PELI2: variants seen among roughly 807,000 people sequenced by gnomAD.
The protein encoded by PELI2 is E3 ubiquitin-protein ligase pellino homolog 2.
In PELI2, 23 loss-of-function variants were observed where a neutral mutation model predicts 42.3. The ratio of observed to expected loss-of-function variants is 0.54; its 90% CI spans 0.39 to 0.77. The LOEUF is 0.77. Ranked by LOEUF, PELI2 falls within the 30% of genes least tolerant of loss-of-function variation. The probability of loss-of-function intolerance (pLI) is 0.00; values close to 1 mark genes in which losing one functional copy is unlikely to be tolerated. For missense variants in PELI2, 463 were observed against 553.2 expected (o/e 0.84, Z 1.64); for synonymous variants, 245 against 212.2 (o/e 1.15, Z -1.34).
At chr14:56,248,095 A>G (rs1888223210) in intron 2 of PELI2, among the ~76,000 whole-genome samples, 1 of 152,242 alleles carries the variant, frequency 6.6e-6, no homozygotes, top group East Asian at 1.9e-4. Context: ...TAGCACGATC[A>G]GATTGAATAT....
At chr14:56,147,605 G>A (rs1472495016) in intron 1 of PELI2, among the ~76,000 whole-genome samples, 3 of 152,166 alleles carry the variant, frequency 2.0e-5, no homozygotes, top group East Asian at 1.9e-4. Context: ...TTCTTTTTAT[G>A]AGCTCTGGTT....
chr14:56,128,717 T>C (rs1045842259), intron 1 of PELI2, among the ~76,000 whole-genome samples: 6 of 151,836 alleles, frequency 4.0e-5, no homozygotes, highest in Admixed American at 1.3e-4. Flanking sequence ...TGGGGTATTG[T>C]TGGGGTATTG....
chr14:56,154,016 CT>C (rs1884461654), intron 1 of PELI2, among the ~76,000 whole-genome samples: 1 of 152,084 alleles, frequency 6.6e-6, no homozygotes, highest in Non-Finnish European at 1.5e-5. Context: ...AAAATATACA[CT>C]TTAAATTCTG....
chr14:56,273,968 G>A lies in PELI2; in HGVS notation c.208-5708G>A, dbSNP rs927040736. ...GAGAGTCTTTTGACCTTCCTCTCAC[G>A]TTGCAAGGTGGTCTACTTCAGCTCC... On this transcript the variant is annotated intron_variant, in intron 2 of 5. Coordinates refer to ENST00000267460, the MANE Select transcript of PELI2 (RefSeq NM_021255.3). The surrounding 1 kb of genome is among the most constrained non-coding windows in gnomAD (Gnocchi z 4.3). 5.9e-5 allele frequency among the ~76,000 whole-genome samples: 9 copies of A among 152,140 alleles called. No individual in the cohort carries two copies. The highest frequency in any genetic ancestry group is 1.9e-4 in the East Asian group (1 of 5,194).
At chr14:56,192,524 A>G (rs1051350943) in intron 2 of PELI2, among the ~76,000 whole-genome samples, 1 of 152,096 alleles carries the variant, frequency 6.6e-6, no homozygotes, top group Non-Finnish European at 1.5e-5. Flanking sequence ...CCCTCGTATG[A>G]TTACCAAAAG....
chr14:56,212,879 G>C (rs1886759897), intron 2 of PELI2, among the ~76,000 whole-genome samples: 2 of 152,210 alleles, frequency 1.3e-5, no homozygotes, highest in South Asian at 4.1e-4. Context: ...AGCCATGGCT[G>C]AGACATCAAA....
intron 2 of PELI2, among the ~76,000 whole-genome samples, chr14:56,235,485 T>C (rs1370241851): frequency 1.3e-5 from 2 of 152,188 alleles, no homozygotes; most frequent in Non-Finnish European, 2.9e-5. Context: ...ACGGGTGGCA[T>C]CTTTCTTTGT....
intron 2 of PELI2, among the ~76,000 whole-genome samples, chr14:56,196,269 G>T (rs1331581608): frequency 6.6e-6 from 1 of 152,118 alleles, no homozygotes; most frequent in Non-Finnish European, 1.5e-5. Flanking sequence ...GTTTTGAGGG[G>T]TTTTTCGGTG....
rs1028530219 is a variant in PELI2, at chr14:56,282,567, G to T, written c.309+2790G>T. Among the ~76,000 whole-genome samples the T allele has an allele frequency of 4.6e-5, 7 of 151,856 alleles. No homozygotes were observed. In the East Asian group the frequency reaches 1.2e-3, roughly 25 times the overall value. The stretch of plus-strand genomic sequence containing the variant: ...CACTTTTCGATTTTTGGAACTATGC[G>T]TATGTGTTAGATATTTAAAAACTAA... On this transcript the variant is annotated intron_variant, in intron 3 of 5. Transcript: ENST00000267460.
chr14:56,222,299 T>C (rs1282143900), intron 2 of PELI2, among the ~76,000 whole-genome samples: 1 of 152,246 alleles, frequency 6.6e-6, no homozygotes, highest in African/African-American at 2.4e-5. Context: ...GAAGTTGTTT[T>C]GCTGGATGTA....
intron 2 of PELI2, among the ~76,000 whole-genome samples, chr14:56,201,617 C>A (rs181808972): frequency 2.0e-5 from 3 of 152,232 alleles, no homozygotes; most frequent in Admixed American, 2.0e-4. Context: ...CACCTGAAAC[C>A]ATTTCATTCT....
rs143657825 is a variant in PELI2 at position 56,261,122 on chromosome 14, T to G, written c.208-18554T>G. Among the ~76,000 whole-genome samples, 560 of 152,248 alleles carry G rather than the reference T, an allele frequency of 3.7e-3. 4 individuals carry two copies. Among genetic ancestry groups the G allele is most frequent in the African/African-American group, 0.013 (549 of 41,550 alleles). ...TTCCCAGTTATTCAAGTTTGGTAAC[T>G]TTTTAGACTGGATACTATTGACAAG... On this transcript the variant is annotated intron_variant, in intron 2 of 5. Transcript: ENST00000267460.
chr14:56,210,699 G>C (rs1049066403), intron 2 of PELI2, among the ~76,000 whole-genome samples: 1 of 152,118 alleles, frequency 6.6e-6, no homozygotes, highest in Non-Finnish European at 1.5e-5. Context: ...AAAAGGCTAA[G>C]GTTCCATTTG....
chr14:56,279,838 AT>A (rs1889417756), intron 3 of PELI2, 61 bp downstream of exon 3: 3 of 809,320 alleles, frequency 3.7e-6, no homozygotes, highest in Non-Finnish European at 6.3e-6. Context: ...TCTATTTTTT[AT>A]ATGTAATCAG....
At chr14:56,237,315 T>C (rs1566657090) in intron 2 of PELI2, among the ~76,000 whole-genome samples, 1 of 152,232 alleles carries the variant, frequency 6.6e-6, no homozygotes, top group Non-Finnish European at 1.5e-5. Flanking sequence ...GCCTGTCTGC[T>C]TTCCACTACA....
At chr14:56,250,987 G>C (rs1316914664) in intron 2 of PELI2, among the ~76,000 whole-genome samples, 1 of 152,112 alleles carries the variant, frequency 6.6e-6, no homozygotes, top group Non-Finnish European at 1.5e-5. Flanking sequence ...TCTAGCCTCA[G>C]CCTGACCCCC....
At chr14:56,191,896 A>G (rs1375063892) in intron 2 of PELI2, among the ~76,000 whole-genome samples, 1 of 152,114 alleles carries the variant, frequency 6.6e-6, no homozygotes, top group Non-Finnish European at 1.5e-5. Context: ...CTCACACTGC[A>G]CACCCAGGAG....
intron 2 of PELI2, among the ~76,000 whole-genome samples, chr14:56,239,148 A>G (rs1201375763): frequency 6.6e-6 from 1 of 152,252 alleles, no homozygotes; most frequent in Non-Finnish European, 1.5e-5. Flanking sequence ...AAGGGCTACA[A>G]TAATGAAAAA....
intron 4 of PELI2, among the ~76,000 whole-genome samples, chr14:56,289,214 GTACT>G (rs1889744896): frequency 6.6e-6 from 1 of 152,180 alleles, no homozygotes; most frequent in Non-Finnish European, 1.5e-5. Flanking sequence ...CAGTGAAAAT[GTACT>G]ATTCCCACAT....
Sources: gnomAD v4.1 joint callset for allele counts (sites outside exome capture counted in the v4.1 genomes callset) on GRCh38, gnomAD v4.1.1 for gene constraint, Gnocchi (gnomAD v3.1) non-coding constraint, MANE v1.5 for transcripts, NCBI Gene and HGNC (gene_info 2026-07-23, HGNC 2026-07-21) for gene names.